CASC3: variants seen among roughly 807,000 people sequenced by gnomAD.
CASC3 encodes the protein protein CASC3.
Under a neutral mutation model 80.5 loss-of-function variants are expected in CASC3, and 30 were observed. The ratio of observed to expected loss-of-function variants is 0.37; its 90% CI spans 0.28 to 0.51. CASC3 has a LOEUF of 0.51. Among genes scored for constraint, CASC3 ranks in the 20% least tolerant of loss-of-function variants. The pLI is 0.94. For synonymous variants in CASC3, 312 were observed against 333.6 expected (o/e 0.94, Z 0.70); for missense variants, 824 against 922.2 (o/e 0.89, Z 1.38).
chr17:40,163,893 G>A lies in CASC3; in HGVS notation c.1198G>A (p.Glu400Lys). 5 of 1,614,126 alleles carry A rather than the reference G, an allele frequency of 3.1e-6. No individual in the cohort carries two copies. The highest frequency in any genetic ancestry group is 4.2e-6 in the Non-Finnish European group (5 of 1,180,030). The change falls in exon 7 of 14, where the codon GAG becomes AAG. Residue 400 changes from glutamate (E) to lysine (K), a missense_variant. Transcript: ENST00000264645. ...AAPPPPDRPI[E>K]KKSYSRARRT... ...ACCACCACCCCCTGATAGGCCCATTGAGAAGAAATCCTATTCCCGGGCAAG... is the reference window on the plus strand; with the variant it reads ...ACCACCACCCCCTGATAGGCCCATTAAGAAGAAATCCTATTCCCGGGCAAG...
Position 40,169,664 on chromosome 17 carries a change from T to C in CASC3, c.*41+2T>C. On this transcript the variant is annotated splice_donor_variant, in intron 13 of 13. Transcript: ENST00000264645. LOFTEE classifies it low-confidence loss of function (3UTR_SPLICE). Reference sequence around the variant, plus strand: ...TTTAAATCTTAACATCATATAAAAGTAAGTGCACAACTTACTGTGAATATT... The same window carrying C: ...TTTAAATCTTAACATCATATAAAAGCAAGTGCACAACTTACTGTGAATATT... The C allele has an allele frequency of 6.7e-7, 1 of 1,485,676 alleles. No homozygotes were observed. Among genetic ancestry groups the C allele is most frequent in the Non-Finnish European group, 9.2e-7 (1 of 1,091,790 alleles). 92.0% of individuals were successfully genotyped at this position (1,485,676 alleles called of 1,614,324 possible).
chr17:40,161,829 C>T lies in CASC3; in HGVS notation c.374C>T (p.Ser125Phe). Reference sequence around the variant, plus strand: ...TCAGAAGCTAATGATGCTGTTAATTCTTCAACAAAAGAAGAGAAGGGAGAA... The same window carrying T: ...TCAGAAGCTAATGATGCTGTTAATTTTTCAACAAAAGAAGAGAAGGGAGAA... ...LKSEANDAVN[S>F]STKEEKGEEK... Residue 125 changes from serine to phenylalanine, a missense_variant, in exon 4 of 14, where the codon TCT (serine) becomes TTT (phenylalanine). Physicochemically the swap from Ser to Phe is radical, Grantham distance 155. This residue lies in a region of CASC3 where 201 missense variants were observed against 294.1 expected (regional missense o/e 0.68). Coordinates refer to ENST00000264645, the MANE Select transcript of CASC3 (RefSeq NM_007359.5). 6.2e-7 allele frequency: 1 copy of T among 1,614,106 alleles called. No homozygotes were observed. The highest frequency in any genetic ancestry group is 8.5e-7 in the Non-Finnish European group (1 of 1,180,000).
chr17:40,153,149 T>C (rs1411804601), intron 3 of CASC3, among the ~76,000 whole-genome samples: 1 of 152,178 alleles, frequency 6.6e-6, no homozygotes, highest in Non-Finnish European at 1.5e-5. Context: ...TTTTATATCC[T>C]TTTACCACGA....
chr17:40,141,969 C>T (rs1389905811), intron 3 of CASC3, among the ~76,000 whole-genome samples: 1 of 152,202 alleles, frequency 6.6e-6, no homozygotes, highest in Non-Finnish European at 1.5e-5. Flanking sequence ...CCAAATCTAT[C>T]TGAAGACTTT....
chr17:40,145,155 C>A (rs889924087), intron 3 of CASC3, among the ~76,000 whole-genome samples: 2 of 150,308 alleles, frequency 1.3e-5, no homozygotes, highest in Non-Finnish European at 1.5e-5. Flanking sequence ...GCCACCGTGC[C>A]CCCCATTTTT....
In CASC3 at chr17:40,141,444, A is replaced by G. The variant is rs1988714748; in HGVS notation, c.260-126A>G. The G allele has an allele frequency of 4.5e-6, 4 of 887,966 alleles. No homozygotes were observed. The Admixed American group carries it at 8.4e-5, about 19-fold the overall frequency. The allele number at this position is 887,966 out of a possible 1,614,324, so 55.0% of individuals were successfully genotyped here. A position where few individuals can be genotyped will look rare whatever the true frequency, so the allele number is the denominator to read the frequency against. ...CCTGTTTCTCCTTTTGTAAGTGGGG[A>G]CTATAATTTTATCCACGTTGTAGGT... On this transcript the variant is annotated intron_variant, in intron 2 of 13. Coordinates refer to ENST00000264645, the MANE Select transcript of CASC3 (RefSeq NM_007359.5).
intron 1 of CASC3, 53 bp from the exon 2 acceptor site, chr17:40,141,154 C>T (rs768757144): frequency 7.1e-6 from 11 of 1,547,366 alleles, no homozygotes; most frequent in Non-Finnish European, 9.8e-6. Flanking sequence ...CTTTATTGGG[C>T]TCCCCACCTC....
At chr17:40,154,361 GT>G (rs1989091798) in intron 3 of CASC3, among the ~76,000 whole-genome samples, 1 of 151,842 alleles carries the variant, frequency 6.6e-6, no homozygotes, top group Non-Finnish European at 1.5e-5. Context: ...TTTGCCCAAA[GT>G]AGCTGGGATT....
chr17:40,161,666 CT>C, intron 3 of CASC3, 86 bp from the exon 4 acceptor site: 1 of 1,178,960 alleles, frequency 8.5e-7, no homozygotes, highest in South Asian at 1.4e-5. Flanking sequence ...GTGACAGAGA[CT>C]TTGTTTTGGG....
chr17:40,167,652 G>C, intron 9 of CASC3, 40 bp downstream of exon 9: 1 of 1,515,634 alleles, frequency 6.6e-7, no homozygotes, highest in Non-Finnish European at 9.2e-7. Flanking sequence ...TTCTTGGCAG[G>C]GTGAAGTGAA....
Position 40,162,808 on chromosome 17 carries a change from A to T in CASC3, c.692A>T (p.Lys231Met). Reference sequence around the variant, plus strand: ...TTCCGGGAAGATGAGCAGGCCCCAAAGTCCCGACAGGAGCTCATTGCTCTT... The same window carrying T: ...TTCCGGGAAGATGAGCAGGCCCCAATGTCCCGACAGGAGCTCATTGCTCTT... ...DKFREDEQAP[K>M]SRQELIALYG... The change falls in exon 6 of 14, where the codon AAG becomes ATG. Residue 231 changes from lysine to methionine, a missense_variant. Physicochemically the swap from Lys to Met is moderately conservative, Grantham distance 95 (BLOSUM62 -1). This residue lies in a region of CASC3 where 201 missense variants were observed against 294.1 expected (regional missense o/e 0.68). Transcript: ENST00000264645. 1 of 1,614,184 alleles carries T rather than the reference A, an allele frequency of 6.2e-7. No homozygotes were observed. Among genetic ancestry groups the T allele is most frequent in the Non-Finnish European group, 8.5e-7 (1 of 1,180,042 alleles).
chr17:40,167,494 TCAGGGTGTC>T lies in CASC3; in HGVS notation c.1541_1549del (p.Val514_Gly516del). On this transcript the variant is annotated splice_acceptor_variant and splice_polypyrimidine_tract_variant and coding_sequence_variant and intron_variant, in exon 9 of 14. Coordinates refer to ENST00000264645, the MANE Select transcript of CASC3 (RefSeq NM_007359.5). LOFTEE classifies it high-confidence loss of function. ...TATTGTTTAGGCCTCTTTCTTTGTC[TCAGGGTGTC>T]CAGGGTGGTCGAGCCAAACGCTATT... The T allele has an allele frequency of 6.2e-7, 1 of 1,611,560 alleles. No homozygotes were observed. Among genetic ancestry groups the T allele is most frequent in the Non-Finnish European group, 8.5e-7 (1 of 1,177,654 alleles).
rs962814740 is a variant in CASC3, at chr17:40,167,081, C to T, written c.1536+220C>T. On this transcript the variant is annotated intron_variant, in intron 8 of 13. Transcript: ENST00000264645. ...CCCAGTTCAAGCAATTCTGCCTCAG[C>T]CTCCCGAGTAGCTGGCATTACAGGC... 23 of 530,920 alleles carry T rather than the reference C, an allele frequency of 4.3e-5. 1 individual carries two copies. Among genetic ancestry groups the T allele is most frequent in the Middle Eastern group, 4.9e-4 (1 of 2,036 alleles). 32.9% of individuals were successfully genotyped at this position (530,920 alleles called of 1,614,324 possible).
chr17:40,158,260 C>T (rs181721093), intron 3 of CASC3, among the ~76,000 whole-genome samples: 234 of 152,270 alleles, frequency 1.5e-3, no homozygotes, highest in Middle Eastern at 3.4e-3. Flanking sequence ...TCAGGAATCT[C>T]ATGTTGAGCC....
rs373394596 is a variant in CASC3, at chr17:40,153,945, G to A, written c.298-7808G>A. Among the ~76,000 whole-genome samples the A allele has an allele frequency of 1.3e-4, 20 of 152,070 alleles. No homozygotes were observed. The South Asian group carries it at 3.3e-3, about 25-fold the overall frequency. ...AAAAATTAGCCAGCCACTGTGGCAC[G>A]CGCCTGTAATCCCAGCTATTCAGGT... On this transcript the variant is annotated intron_variant, in intron 3 of 13. Coordinates refer to ENST00000264645, the MANE Select transcript of CASC3 (RefSeq NM_007359.5).
chr17:40,154,579 G>A (rs979036982), intron 3 of CASC3, among the ~76,000 whole-genome samples: 3 of 151,302 alleles, frequency 2.0e-5, no homozygotes, highest in Non-Finnish European at 4.4e-5. Flanking sequence ...TATATATTCT[G>A]TATTCTAGAT....
At chr17:40,154,291 T>C (rs771824130) in intron 3 of CASC3, among the ~76,000 whole-genome samples, 1 of 152,100 alleles carries the variant, frequency 6.6e-6, no homozygotes, top group Non-Finnish European at 1.5e-5. Flanking sequence ...AAGCAAGCAG[T>C]CTTCCCACCT....
In CASC3 at chr17:40,170,753, C is replaced by G; in HGVS notation, c.*348C>G. ...CTGGGAAATTGAAGTGTCTTCTGTT[C>G]CCAAGGAAGCTCCTTCCTGTTTGTT... On this transcript the variant is annotated 3_prime_UTR_variant, in exon 14 of 14. Transcript: ENST00000264645. 1.0e-6 allele frequency: 1 copy of G among 985,472 alleles called. No homozygotes were observed. Among genetic ancestry groups the G allele is most frequent in the Non-Finnish European group, 1.2e-6 (1 of 829,860 alleles). 61.0% of individuals were successfully genotyped at this position (985,472 alleles called of 1,614,324 possible).
At chr17:40,151,983 T>C (rs1989021988) in intron 3 of CASC3, among the ~76,000 whole-genome samples, 1 of 152,208 alleles carries the variant, frequency 6.6e-6, no homozygotes, top group South Asian at 2.1e-4. Flanking sequence ...ACACATACAG[T>C]GTGGCATCTT....
Sources: gnomAD v4.1 joint callset for allele counts (sites outside exome capture counted in the v4.1 genomes callset) on GRCh38, gnomAD v4.1.1 for gene constraint, gnomAD v4.1.1 regional missense constraint, MANE v1.5 for transcripts, NCBI Gene and HGNC (gene_info 2026-07-23, HGNC 2026-07-21) for gene names.